Variants in CTNNBL1 observed in about 807,000 individuals in gnomAD.
The protein encoded by CTNNBL1 is beta-catenin-like protein 1.
In CTNNBL1, 31 loss-of-function variants were observed where a neutral mutation model predicts 72.7. The ratio of observed to expected loss-of-function variants is 0.43; its 90% CI spans 0.32 to 0.58. CTNNBL1 has a LOEUF of 0.58. CTNNBL1 is among the 20% of genes least tolerant of loss of function. The pLI, the probability that CTNNBL1 is intolerant of heterozygous loss-of-function variation, is 0.08. For synonymous variants in CTNNBL1, 240 were observed against 267.3 expected (o/e 0.90, Z 1.00); for missense variants, 534 against 725.1 (o/e 0.74, Z 3.03).
chr20:37,872,089 C>A lies in CTNNBL1; in HGVS notation c.*76C>A. On this transcript the variant is annotated 3_prime_UTR_variant, in exon 16 of 16. Coordinates refer to ENST00000361383, the MANE Select transcript of CTNNBL1 (RefSeq NM_030877.5). ...TCAGTTTCTACACAACTCTGTGTGG[C>A]TTTTGGACAAATTAAAGCTAGTTTT... The A allele has an allele frequency of 7.6e-7, 1 of 1,311,718 alleles. No homozygotes were observed. Among genetic ancestry groups the A allele is most frequent in the Non-Finnish European group, 1.1e-6 (1 of 908,862 alleles). The allele number at this position is 1,311,718 out of a possible 1,614,324, so 81.3% of individuals were successfully genotyped here. A position where few individuals can be genotyped will look rare whatever the true frequency, so the allele number is the denominator to read the frequency against.
At chr20:37,838,075 A>G (rs754613718) in intron 11 of CTNNBL1, among the ~76,000 whole-genome samples, 5 of 152,324 alleles carry the variant, frequency 3.3e-5, no homozygotes, top group Admixed American at 6.5e-5. Flanking sequence ...GTAAAACCAG[A>G]TTTAAAGAGT....
chr20:37,824,140 C>T (rs938131714), intron 11 of CTNNBL1, among the ~76,000 whole-genome samples: 2 of 152,240 alleles, frequency 1.3e-5, no homozygotes, highest in Non-Finnish European at 2.9e-5. Context: ...ACCAGCTGCG[C>T]TGACGTATAG....
At chr20:37,707,021 GAGCAGT>G (rs1478688249) in intron 1 of CTNNBL1, among the ~76,000 whole-genome samples, 1 of 151,610 alleles carries the variant, frequency 6.6e-6, no homozygotes, top group African/African-American at 2.4e-5. Context: ...TTTTTTTTCT[GAGCAGT>G]AGGTCTTAAC....
At chr20:37,854,515 C>T (rs1685467342) in intron 13 of CTNNBL1, among the ~76,000 whole-genome samples, 2 of 150,954 alleles carry the variant, frequency 1.3e-5, no homozygotes, top group African/African-American at 4.9e-5. Context: ...AGCCAGCTTC[C>T]TCATCTAAAA....
chr20:37,855,994 T>C (rs2072436981), intron 13 of CTNNBL1, among the ~76,000 whole-genome samples: 1 of 152,076 alleles, frequency 6.6e-6, no homozygotes, highest in African/African-American at 2.4e-5. Flanking sequence ...CCCAGCACTT[T>C]GGGAGGCCGA....
chr20:37,768,076 A>C, intron 7 of CTNNBL1, 32 bp downstream of exon 7: 1 of 1,554,114 alleles, frequency 6.4e-7, no homozygotes, highest in South Asian at 1.1e-5. Context: ...TGCAGCTCAC[A>C]CCTGTCTTTG....
At chr20:37,817,925 A>G (rs150417173) in intron 11 of CTNNBL1, among the ~76,000 whole-genome samples, 17 of 152,318 alleles carry the variant, frequency 1.1e-4, no homozygotes, top group African/African-American at 4.1e-4. Flanking sequence ...GGGTCTGGAA[A>G]TATCTATTCC....
intron 1 of CTNNBL1, among the ~76,000 whole-genome samples, chr20:37,711,896 A>G (rs2072941164): frequency 6.6e-6 from 1 of 152,080 alleles, no homozygotes; most frequent in Non-Finnish European, 1.5e-5. Flanking sequence ...TTCGGGGAGG[A>G]GGGAGAATCC....
chr20:37,783,448 T>A (rs1055352732), intron 10 of CTNNBL1, among the ~76,000 whole-genome samples: 3 of 152,154 alleles, frequency 2.0e-5, no homozygotes, highest in Non-Finnish European at 4.4e-5. Flanking sequence ...TAAGATGTAT[T>A]GTTAGGTTGT....
rs913595589 is a variant in CTNNBL1 at position 37,816,003 on chromosome 20, G to A, written c.1213+12955G>A. Reference sequence around the variant, plus strand: ...AATGCTCTGTGTATTTAATCATCTTGCAGTCTTACTTGTTTGTTTTTTTTA... The same window carrying A: ...AATGCTCTGTGTATTTAATCATCTTACAGTCTTACTTGTTTGTTTTTTTTA... On this transcript the variant is annotated intron_variant, in intron 11 of 15. Transcript: ENST00000361383. Among the ~76,000 whole-genome samples the A allele has an allele frequency of 7.2e-5, 11 of 152,254 alleles. No individual in the cohort carries two copies. In the South Asian group the frequency reaches 1.2e-3, roughly 17 times the overall value.
At chr20:37,861,626 G>C (rs1192933025) in intron 15 of CTNNBL1, among the ~76,000 whole-genome samples, 2 of 152,226 alleles carry the variant, frequency 1.3e-5, no homozygotes, top group African/African-American at 4.8e-5. Flanking sequence ...GATGAAATGT[G>C]AGGATAAACA....
intron 3 of CTNNBL1, among the ~76,000 whole-genome samples, chr20:37,740,454 A>G (rs543846348): frequency 5.3e-4 from 80 of 152,320 alleles, no homozygotes; most frequent in Non-Finnish European, 8.1e-4. Context: ...TTTGAGATTC[A>G]GTTGACAGTT....
intron 1 of CTNNBL1, among the ~76,000 whole-genome samples, chr20:37,718,209 G>A (rs866437072): frequency 1.1e-4 from 14 of 121,786 alleles, no homozygotes; most frequent in Admixed American, 6.6e-4. Flanking sequence ...CCTCACCTCC[G>A]GGACGGGGCG....
intron 1 of CTNNBL1, among the ~76,000 whole-genome samples, chr20:37,724,209 A>T (rs1370793263): frequency 6.6e-6 from 1 of 152,228 alleles, no homozygotes; most frequent in South Asian, 2.1e-4. Context: ...CTTTAAAATT[A>T]TGAAATTCCA....
chr20:37,813,699 A>G (rs778143921), intron 11 of CTNNBL1, among the ~76,000 whole-genome samples: 6 of 152,168 alleles, frequency 3.9e-5, no homozygotes, highest in East Asian at 1.9e-4. Context: ...TTCATTTATA[A>G]TCTTGATTAA....
chr20:37,770,515 T>C (rs1254289697), intron 7 of CTNNBL1, among the ~76,000 whole-genome samples: 1 of 152,216 alleles, frequency 6.6e-6, no homozygotes, highest in Non-Finnish European at 1.5e-5. Flanking sequence ...TAATACTGAT[T>C]CAGGGATCTT....
chr20:37,787,862 T>G (rs1044915907), intron 10 of CTNNBL1, among the ~76,000 whole-genome samples: 6 of 152,158 alleles, frequency 3.9e-5, no homozygotes, highest in African/African-American at 1.4e-4. Flanking sequence ...TTACCTTTAG[T>G]TTTTTAGAAA....
chr20:37,795,504 A>T (rs1225531606), intron 10 of CTNNBL1, among the ~76,000 whole-genome samples: 2 of 151,978 alleles, frequency 1.3e-5, no homozygotes, highest in African/African-American at 2.4e-5. Flanking sequence ...AAATTTTCCA[A>T]CCACAGTTCA....
chr20:37,803,020 A>G lies in CTNNBL1; in HGVS notation c.1185A>G (p.Lys395=). 7 of 1,614,158 alleles carry G rather than the reference A, an allele frequency of 4.3e-6. No homozygotes were observed. The highest frequency in any genetic ancestry group is 2.2e-5 in the East Asian group (1 of 44,874). The change falls in exon 11 of 16, where the codon AAA becomes AAG. Residue 395 remains lysine, a synonymous_variant. Coordinates refer to ENST00000361383, the MANE Select transcript of CTNNBL1 (RefSeq NM_030877.5). ...LFMKSPRKIK[K]VGTTEKEHEE... ...TGAAATCTCCCAGGAAGATCAAGAA[A>G]GTGGGAACCACTGAGAAGGAACATG...
Sources: allele counts gnomAD v4.1 joint callset (sites outside exome capture counted in the v4.1 genomes callset), GRCh38; gene constraint gnomAD v4.1.1; transcripts MANE v1.5; gene names NCBI Gene and HGNC (gene_info 2026-07-23, HGNC 2026-07-21).